MYO16: variants seen among roughly 807,000 people sequenced by gnomAD.
MYO16 encodes the protein myosin XVI, also known as unconventional myosin-XVI.
Under a neutral mutation model 205.3 loss-of-function variants are expected in MYO16, and 94 were observed. The ratio of observed to expected loss-of-function variants is 0.46; its 90% CI spans 0.39 to 0.54. The LOEUF (loss-of-function observed/expected upper bound fraction) is 0.54. Ranked by LOEUF, MYO16 falls within the 20% of genes least tolerant of loss-of-function variation. The probability of loss-of-function intolerance (pLI) is 0.00; values close to 1 mark genes in which losing one functional copy is unlikely to be tolerated. For missense variants in MYO16, 2,315 were observed against 2,387.5 expected, an observed-to-expected ratio of 0.97 and a Z score of 0.63; for synonymous variants, 988 against 954.0, an observed-to-expected ratio of 1.04 and a Z score of -0.66.
chr13:108,895,039 A>G (rs1880344748), intron 14 of MYO16, among the ~76,000 whole-genome samples: 1 of 152,256 alleles, frequency 6.6e-6, no homozygotes, highest in Non-Finnish European at 1.5e-5. Context: ...ACTATGCAAT[A>G]GCTTTCAGAG....
chr13:109,131,678 T>C lies in MYO16; in HGVS notation c.4051+4128T>C, dbSNP rs557785882. Among the ~76,000 whole-genome samples the C allele has an allele frequency of 2.0e-3, 305 of 152,326 alleles. 2 individuals are homozygous for C. The highest frequency in any genetic ancestry group is 7.1e-3 in the African/African-American group (297 of 41,568). On this transcript the variant is annotated intron_variant, in intron 31 of 34. Coordinates refer to ENST00000457511, the MANE Select transcript of MYO16 (RefSeq NM_001198950.3). ...GCAAAAGGAATTGTGGTTTTTGCCATTGAATAAAAGCCTGCAGTTGCTCTT... is the reference window on the plus strand; with the variant it reads ...GCAAAAGGAATTGTGGTTTTTGCCACTGAATAAAAGCCTGCAGTTGCTCTT...
At chr13:108,955,339 A>T (rs1883307570) in intron 16 of MYO16, among the ~76,000 whole-genome samples, 1 of 152,038 alleles carries the variant, frequency 6.6e-6, no homozygotes, top group Non-Finnish European at 1.5e-5. Context: ...CTTCTATCTC[A>T]GCAGATTCAT....
At chr13:109,006,927 A>G (rs1885405451) in intron 21 of MYO16, among the ~76,000 whole-genome samples, 1 of 151,888 alleles carries the variant, frequency 6.6e-6, no homozygotes, top group South Asian at 2.1e-4. Context: ...GGGAAAGGAG[A>G]TGGGGAGGAA....
At chr13:108,620,194 T>G (rs1879489290) in intron 1 of MYO16, among the ~76,000 whole-genome samples, 1 of 152,176 alleles carries the variant, frequency 6.6e-6, no homozygotes, top group Admixed American at 6.5e-5. Context: ...ATAAGCACTT[T>G]TTAATTGTTT....
intron 27 of MYO16, among the ~76,000 whole-genome samples, chr13:109,068,165 C>T (rs1009898154): frequency 2.6e-5 from 4 of 152,218 alleles, no homozygotes; most frequent in Admixed American, 6.5e-5. Flanking sequence ...AAAATTCAGT[C>T]CCAGAATTCT....
At chr13:109,167,124 G>C (rs1328020500) in intron 33 of MYO16, 2 of 152,472 alleles carry the variant, frequency 1.3e-5, no homozygotes, top group Admixed American at 6.5e-5. Context: ...ATCCAAGAGA[G>C]AGCACCCCAG....
chr13:108,627,952 T>A (rs942310487), upstream of MYO16, among the ~76,000 whole-genome samples: 3 of 152,178 alleles, frequency 2.0e-5, no homozygotes, highest in African/African-American at 4.8e-5. Context: ...GACATCTACA[T>A]GGATACAACC....
chr13:108,499,429 C>T, the MYO16 span, among the ~76,000 whole-genome samples: 1 of 152,168 alleles, frequency 6.6e-6, no homozygotes, highest in Non-Finnish European at 1.5e-5. Flanking sequence ...GCTGGGACCA[C>T]AACCTTCTGC....
At chr13:108,926,690 T>G (rs1187110966) in intron 16 of MYO16, among the ~76,000 whole-genome samples, 1 of 151,896 alleles carries the variant, frequency 6.6e-6, no homozygotes, top group Non-Finnish European at 1.5e-5. Flanking sequence ...TCTCAAGCAG[T>G]TTTTGGAGAG....
chr13:109,142,266 G>A (rs1169861968), intron 32 of MYO16, among the ~76,000 whole-genome samples: 2 of 152,108 alleles, frequency 1.3e-5, no homozygotes, highest in African/African-American at 2.4e-5. Flanking sequence ...GTTAAGGTTT[G>A]TATACAAAAC....
chr13:109,079,500 G>T (rs987773005), intron 27 of MYO16, among the ~76,000 whole-genome samples: 1 of 151,972 alleles, frequency 6.6e-6, no homozygotes, highest in Non-Finnish European at 1.5e-5. Context: ...TATCCTAAGC[G>T]AATTCATGCA....
At chr13:109,116,396 T>G (rs1400142946) in intron 28 of MYO16, among the ~76,000 whole-genome samples, 1 of 152,094 alleles carries the variant, frequency 6.6e-6, no homozygotes. Context: ...CTCCTACCAT[T>G]GCGCATGTCT....
chr13:108,571,459 G>A, the MYO16 span, among the ~76,000 whole-genome samples: 2 of 152,156 alleles, frequency 1.3e-5, no homozygotes, highest in African/African-American at 4.8e-5. Flanking sequence ...GGCTAATCAT[G>A]AGTATTGCAG....
At chr13:109,178,947 A>G (rs1879337455) in intron 33 of MYO16, among the ~76,000 whole-genome samples, 1 of 152,210 alleles carries the variant, frequency 6.6e-6, no homozygotes, top group Non-Finnish European at 1.5e-5. Flanking sequence ...AAGTTTCATA[A>G]ACCTACAAGT....
At chr13:108,534,751 C>T in the MYO16 span, among the ~76,000 whole-genome samples, 21 of 151,440 alleles carry the variant, frequency 1.4e-4, no homozygotes, top group Non-Finnish European at 2.5e-4. Flanking sequence ...TACAACTCCT[C>T]CTCCTCCTCC....
intron 4 of MYO16, among the ~76,000 whole-genome samples, chr13:108,731,423 C>G (rs1884518468): frequency 6.6e-6 from 1 of 152,044 alleles, no homozygotes; most frequent in South Asian, 2.1e-4. Context: ...TTTACATATT[C>G]TAGACTTCTT....
chr13:108,713,996 G>C (rs1340277195), intron 3 of MYO16, among the ~76,000 whole-genome samples: 4 of 152,242 alleles, frequency 2.6e-5, no homozygotes, highest in African/African-American at 7.2e-5. Flanking sequence ...TCTGCTAAGA[G>C]TCTTCCATAG....
chr13:108,795,175 C>T (rs2138950444), intron 6 of MYO16, among the ~76,000 whole-genome samples: 1 of 143,284 alleles, frequency 7.0e-6, no homozygotes, highest in African/African-American at 2.5e-5. Context: ...GTATAGGCTT[C>T]TAAAATTTCC....
intron 2 of MYO16, among the ~76,000 whole-genome samples, chr13:108,676,653 A>T (rs1882225157): frequency 6.6e-6 from 1 of 152,180 alleles, no homozygotes; most frequent in African/African-American, 2.4e-5. Flanking sequence ...GGAGGGCAGC[A>T]TGAGAATATG....
Sources: gnomAD v4.1 joint callset for allele counts (sites outside exome capture counted in the v4.1 genomes callset) on GRCh38, gnomAD v4.1.1 for gene constraint, MANE v1.5 for transcripts, NCBI Gene and HGNC (gene_info 2026-07-23, HGNC 2026-07-21) for gene names.